Variants in GALNT2 observed in about 807,000 individuals in gnomAD.
The protein encoded by GALNT2 is polypeptide N-acetylgalactosaminyltransferase 2.
GALNT2 carries 31 observed loss-of-function variants against 81.4 expected under a neutral mutation model. The ratio of observed to expected loss-of-function variants is 0.38; its 90% CI spans 0.29 to 0.51. GALNT2 has a LOEUF of 0.51. Among genes scored for constraint, GALNT2 ranks in the 20% least tolerant of loss-of-function variants. The pLI, the probability that GALNT2 is intolerant of heterozygous loss-of-function variation, is 0.87. For missense variants in GALNT2, 629 were observed against 765.7 expected, an observed-to-expected ratio of 0.82 and a Z score of 2.11; for synonymous variants, 303 against 287.4, an observed-to-expected ratio of 1.05 and a Z score of -0.55.
intron 1 of GALNT2, among the ~76,000 whole-genome samples, chr1:230,108,112 A>G (rs1660594278): frequency 6.6e-6 from 1 of 152,236 alleles, no homozygotes; most frequent in Non-Finnish European, 1.5e-5. Flanking sequence ...AGGAGAAGGC[A>G]GGCTCTGCTG....
Position 230,162,873 on chromosome 1 carries a change from A to G in GALNT2, c.127-15345A>G, listed in dbSNP as rs549546617. On this transcript the variant is annotated intron_variant, in intron 1 of 15. Coordinates refer to ENST00000366672, the MANE Select transcript of GALNT2 (RefSeq NM_004481.5). ...TGGAACCTACCATTTTTGTCCAGTC[A>G]CATTTCCACATGACTGTCCATACTG... is the stretch of plus-strand genomic sequence containing the variant. 8.5e-5 allele frequency among the ~76,000 whole-genome samples: 13 copies of G among 152,348 alleles called. No homozygotes were observed. The South Asian group carries it at 2.7e-3, about 32-fold the overall frequency.
chr1:230,170,612 T>C (rs573181586), intron 1 of GALNT2, among the ~76,000 whole-genome samples: 72 of 152,254 alleles, frequency 4.7e-4, no homozygotes, highest in African/African-American at 1.6e-3. Context: ...ACTGGGTAAT[T>C]TAGAAAGAAA....
intron 3 of GALNT2, among the ~76,000 whole-genome samples, chr1:230,233,648 T>A (rs567884535): frequency 2.0e-5 from 3 of 152,112 alleles, no homozygotes; most frequent in Non-Finnish European, 4.4e-5. Context: ...AATTTTTTTT[T>A]AATGTATTGG....
intron 1 of GALNT2, among the ~76,000 whole-genome samples, chr1:230,077,906 T>A (rs1226984933): frequency 2.0e-5 from 3 of 152,246 alleles, no homozygotes; most frequent in Non-Finnish European, 4.4e-5. Flanking sequence ...ATTTGGTTTT[T>A]AGGGATTAAG....
intron 6 of GALNT2, among the ~76,000 whole-genome samples, chr1:230,240,678 C>A (rs200417251): frequency 6.7e-6 from 1 of 148,992 alleles, no homozygotes; most frequent in Non-Finnish European, 1.5e-5. Context: ...TTTTTTTTAA[C>A]AATTTGATTA....
chr1:230,114,579 C>T (rs1357032788), intron 1 of GALNT2, among the ~76,000 whole-genome samples: 2 of 152,320 alleles, frequency 1.3e-5, no homozygotes, highest in Non-Finnish European at 2.9e-5. Flanking sequence ...ACAGCGTTGG[C>T]GGTGGAGCAG....
rs1300164967 is a variant in GALNT2, at chr1:230,178,001, C to A, written c.127-217C>A. On this transcript the variant is annotated intron_variant, in intron 1 of 15. Coordinates refer to ENST00000366672, the MANE Select transcript of GALNT2 (RefSeq NM_004481.5). ...ATAAAATGAAGAGAGAAATGCAAAC[C>A]CTTGGGAAAGGTCATGCCCATACTT... 2.0e-5 allele frequency among the ~76,000 whole-genome samples: 3 copies of A among 152,088 alleles called. No homozygotes were observed. The East Asian group carries it at 5.8e-4, about 29-fold the overall frequency.
chr1:230,126,507 C>T (rs1222733941), intron 1 of GALNT2, among the ~76,000 whole-genome samples: 7 of 151,968 alleles, frequency 4.6e-5, no homozygotes, highest in South Asian at 2.1e-4. Context: ...GCCGATGCCT[C>T]GAGAGGGTTT....
chr1:230,234,559 A>G (rs912817606), intron 3 of GALNT2, among the ~76,000 whole-genome samples: 3 of 152,216 alleles, frequency 2.0e-5, no homozygotes, highest in Non-Finnish European at 4.4e-5. Context: ...CACAGGCAAG[A>G]CTGTTCATCC....
chr1:230,096,902 T>A (rs1310111554), intron 1 of GALNT2, among the ~76,000 whole-genome samples: 1 of 152,232 alleles, frequency 6.6e-6, no homozygotes, highest in Non-Finnish European at 1.5e-5. Context: ...TTCTGCAGAA[T>A]GAGTAATTCC....
At chr1:230,071,885 C>G (rs1296826234) in intron 1 of GALNT2, among the ~76,000 whole-genome samples, 4 of 152,172 alleles carry the variant, frequency 2.6e-5, no homozygotes, top group Admixed American at 2.0e-4. Flanking sequence ...ATAATGGAAA[C>G]AGATTGTGTG....
chr1:230,243,229 G>A lies in GALNT2; in HGVS notation c.608-77G>A. On this transcript the variant is annotated intron_variant, in intron 6 of 15. Transcript: ENST00000366672. The surrounding 1 kb of genome is among the most constrained non-coding windows in gnomAD (Gnocchi z 4.2). ...AGGCTGCAGAGCTGCGGGCAGGGAG[G>A]CGTCGCCGGTTGGCATGGGGTTGTG... 5 of 1,490,612 alleles carry A rather than the reference G, an allele frequency of 3.4e-6. No homozygotes were observed. Among genetic ancestry groups the A allele is most frequent in the Non-Finnish European group, 4.5e-6 (5 of 1,123,372 alleles). 92.3% of individuals were successfully genotyped at this position (1,490,612 alleles called of 1,614,324 possible).
chr1:230,149,037 C>T (rs764504739), intron 1 of GALNT2, among the ~76,000 whole-genome samples: 8 of 151,422 alleles, frequency 5.3e-5, no homozygotes, highest in Non-Finnish European at 8.8e-5. Flanking sequence ...CGTACCACCA[C>T]GCCCAGCTAA....
At chr1:230,267,573 T>G (rs1666068954) in intron 14 of GALNT2, among the ~76,000 whole-genome samples, 1 of 152,246 alleles carries the variant, frequency 6.6e-6, no homozygotes, top group Admixed American at 6.5e-5. Context: ...CAAGCCAGCC[T>G]TCAGCTATAG....
Position 230,281,895 on chromosome 1 carries a change from C to T in GALNT2, c.*2437C>T, listed in dbSNP as rs988722821. 2 of 152,466 alleles carry T rather than the reference C, an allele frequency of 1.3e-5. No individual in the cohort carries two copies. Among genetic ancestry groups the T allele is most frequent in the East Asian group, 1.9e-4 (1 of 5,192 alleles). 9.4% of individuals were successfully genotyped at this position (152,466 alleles called of 1,614,324 possible). On this transcript the variant is annotated 3_prime_UTR_variant, in exon 16 of 16. Coordinates refer to ENST00000366672, the MANE Select transcript of GALNT2 (RefSeq NM_004481.5). ...TAAGAGCCCTTCGAGCAAAGCGTGC[C>T]GAAGTTAGTTGTCTTCTCTGTGCTG...
intron 1 of GALNT2, among the ~76,000 whole-genome samples, chr1:230,115,989 T>G (rs1571979696): frequency 6.6e-6 from 1 of 152,346 alleles, no homozygotes; most frequent in South Asian, 2.1e-4. Flanking sequence ...GTTCTCTTGG[T>G]GTTTCCACCA....
At chr1:230,132,018 G>A (rs1256239002) in intron 1 of GALNT2, among the ~76,000 whole-genome samples, 1 of 152,190 alleles carries the variant, frequency 6.6e-6, no homozygotes, top group Non-Finnish European at 1.5e-5. Context: ...TAAATAGGAA[G>A]GGCTGTAGAA....
intron 2 of GALNT2, among the ~76,000 whole-genome samples, chr1:230,184,654 A>C (rs1558129032): frequency 6.6e-6 from 1 of 151,732 alleles, no homozygotes; most frequent in Admixed American, 6.6e-5. Context: ...TGTTTCTTTC[A>C]ATTTTTTTTC....
chr1:230,228,948 G>T (rs1051099331), intron 3 of GALNT2, among the ~76,000 whole-genome samples: 1 of 152,076 alleles, frequency 6.6e-6, no homozygotes, highest in African/African-American at 2.4e-5. Flanking sequence ...TGATATACAT[G>T]GATATACATA....
Sources: gnomAD v4.1 joint callset for allele counts (sites outside exome capture counted in the v4.1 genomes callset) on GRCh38, gnomAD v4.1.1 for gene constraint, Gnocchi (gnomAD v3.1) non-coding constraint, MANE v1.5 for transcripts, NCBI Gene and HGNC (gene_info 2026-07-23, HGNC 2026-07-21) for gene names.